The following CACNA1A variants were observed in gnomAD, a reference collection of about 807,000 sequenced individuals.
CACNA1A encodes voltage-dependent P/Q-type calcium channel subunit alpha-1A.
A neutral mutation model predicts 262.4 loss-of-function variants in CACNA1A; 57 were observed. That is an observed-to-expected ratio of 0.22 (90% CI 0.18 to 0.27). The LOEUF is 0.27. Ranked by LOEUF, CACNA1A falls within the 10% of genes least tolerant of loss-of-function variation. The pLI, the probability that CACNA1A is intolerant of heterozygous loss-of-function variation, is 1.00. For synonymous variants in CACNA1A, 1,431 were observed against 1,419.3 expected, an observed-to-expected ratio of 1.01 and a Z score of -0.18; for missense variants, 2,526 against 3,562.8, an observed-to-expected ratio of 0.71 and a Z score of 7.41.
chr19:13,451,942 C>G (rs762315007), intron 3 of CACNA1A: 2 of 152,040 alleles, frequency 1.3e-5, no homozygotes. Context: ...CCCTCCAACT[C>G]CTGAGCTCAA....
rs113154806 is a variant in CACNA1A, at chr19:13,242,282, T to C, written c.4950+2900A>G. 2.5e-3 allele frequency among the ~76,000 whole-genome samples: 384 copies of C among 151,276 alleles called. 1 individual carries two copies. Among genetic ancestry groups the C allele is most frequent in the Non-Finnish European group, 4.2e-3 (285 of 67,972 alleles). ...GGTTCTGTGCCAAGCACTTCACGTT[T>C]CTTTCTTTCTTTTTCTTCCTTTTCT... On this transcript the variant is annotated intron_variant, in intron 31 of 46. Transcript: ENST00000360228.
At chr19:13,251,436 T>C (rs1335783948) in intron 30 of CACNA1A, among the ~76,000 whole-genome samples, 1 of 152,110 alleles carries the variant, frequency 6.6e-6, no homozygotes, top group Admixed American at 6.6e-5. Context: ...TGAGCCGAGA[T>C]TGCGCCACTG....
chr19:13,284,022 C>T (rs1270920687), intron 21 of CACNA1A: 1 of 152,312 alleles, frequency 6.6e-6, no homozygotes, highest in Non-Finnish European at 1.5e-5. Flanking sequence ...GCCAGTTAAC[C>T]TCTTAATAAG....
At chr19:13,484,988 T>C (rs1979801165) in intron 1 of CACNA1A, among the ~76,000 whole-genome samples, 1 of 152,230 alleles carries the variant, frequency 6.6e-6, no homozygotes, top group African/African-American at 2.4e-5. Context: ...ATGAAAGCCA[T>C]GATTGCATCT....
Position 13,359,595 on chromosome 19 carries a change from G to A in CACNA1A, c.978+11C>T. ...CTGATTGTCCACACACACTGTCCCA[G>A]CATCACTTACATTGTAGAGGAGATC... On this transcript the variant is annotated intron_variant, in intron 6 of 46. Coordinates refer to ENST00000360228, the MANE Select transcript of CACNA1A (RefSeq NM_001127222.2). 1 of 1,600,222 alleles carries A rather than the reference G, an allele frequency of 6.2e-7. No individual in the cohort carries two copies. The highest frequency in any genetic ancestry group is 8.5e-7 in the Non-Finnish European group (1 of 1,170,364).
intron 3 of CACNA1A, among the ~76,000 whole-genome samples, chr19:13,400,433 A>G (rs1366396103): frequency 6.6e-6 from 1 of 152,062 alleles, no homozygotes; most frequent in Non-Finnish European, 1.5e-5. Context: ...GTCCTTGTCA[A>G]TTTTTAACTA....
At chr19:13,321,141 C>T (rs960053956) in intron 10 of CACNA1A, among the ~76,000 whole-genome samples, 1 of 151,154 alleles carries the variant, frequency 6.6e-6, no homozygotes, top group African/African-American at 2.4e-5. Context: ...TCAAGTGACT[C>T]TCCTGCCTCA....
At chr19:13,385,905 C>T (rs2059604284) in intron 3 of CACNA1A, among the ~76,000 whole-genome samples, 1 of 151,914 alleles carries the variant, frequency 6.6e-6, no homozygotes, top group African/African-American at 2.4e-5. Context: ...GCCTGTAATC[C>T]CAGCACTTTG....
intron 24 of CACNA1A, among the ~76,000 whole-genome samples, chr19:13,268,520 G>A (rs1279966630): frequency 2.7e-5 from 4 of 148,926 alleles, no homozygotes; most frequent in Non-Finnish European, 5.9e-5. Context: ...TGCAAGCTCC[G>A]CCTCCCAGGT....
chr19:13,251,963 G>A (rs1340636857), intron 30 of CACNA1A, among the ~76,000 whole-genome samples: 1 of 151,850 alleles, frequency 6.6e-6, no homozygotes, highest in African/African-American at 2.4e-5. Flanking sequence ...ATGGGGTTTT[G>A]CCATGTTGGC....
chr19:13,238,262 A>G lies in CACNA1A; in HGVS notation c.4951-2532T>C, dbSNP rs1030726591. 1.2e-4 allele frequency among the ~76,000 whole-genome samples: 19 copies of G among 152,044 alleles called. 1 individual carries two copies. Among genetic ancestry groups the G allele is most frequent in the African/African-American group, 4.6e-4 (19 of 41,378 alleles). The stretch of plus-strand genomic sequence containing the variant: ...TTGGGAGGTGCAGCTTCCTCTCTTC[A>G]ACACCTCCCCTGAACTTCCTGGCTA... On this transcript the variant is annotated intron_variant, in intron 31 of 46. Coordinates refer to ENST00000360228, the MANE Select transcript of CACNA1A (RefSeq NM_001127222.2).
chr19:13,434,273 C>T (rs555411862), intron 3 of CACNA1A, among the ~76,000 whole-genome samples: 36 of 152,258 alleles, frequency 2.4e-4, no homozygotes, highest in African/African-American at 7.9e-4. Context: ...CCTCCTGTCT[C>T]GGCCTCCTGA....
At chr19:13,264,642 G>A (rs2056819511) in intron 24 of CACNA1A, among the ~76,000 whole-genome samples, 1 of 152,154 alleles carries the variant, frequency 6.6e-6, no homozygotes, top group Non-Finnish European at 1.5e-5. Flanking sequence ...CCCGCTGCTA[G>A]AAATGCCCTT....
Position 13,421,256 on chromosome 19 carries a change from C to T in CACNA1A, c.539+31620G>A, listed in dbSNP as rs116305381. Among the ~76,000 whole-genome samples the T allele has an allele frequency of 2.7e-3, 411 of 151,736 alleles. 2 individuals carry two copies. Among genetic ancestry groups the T allele is most frequent in the African/African-American group, 9.4e-3 (391 of 41,386 alleles). On this transcript the variant is annotated intron_variant, in intron 3 of 46. Transcript: ENST00000360228. Reference sequence around the variant, plus strand: ...TATAGGAGAGAAATTATTTTTTTTTCTTTAAGGTTTTAATCCGGTGGCCTT... The same window carrying T: ...TATAGGAGAGAAATTATTTTTTTTTTTTTAAGGTTTTAATCCGGTGGCCTT...
chr19:13,448,924 A>C (rs1029885437), intron 3 of CACNA1A, among the ~76,000 whole-genome samples: 1 of 152,088 alleles, frequency 6.6e-6, no homozygotes, highest in African/African-American at 2.4e-5. Flanking sequence ...AAACAGTACC[A>C]CATATCTCTT....
At chr19:13,341,214 A>G (rs2058670654) in intron 6 of CACNA1A, among the ~76,000 whole-genome samples, 2 of 152,208 alleles carry the variant, frequency 1.3e-5, no homozygotes, top group African/African-American at 4.8e-5. Flanking sequence ...CAAGACAAGG[A>G]CCACCAAGCA....
chr19:13,221,226 C>CT (rs751936261), intron 38 of CACNA1A, among the ~76,000 whole-genome samples: 4 of 9,206 alleles, frequency 4.3e-4, no homozygotes, highest in Admixed American at 2.0e-3. Context: ...TCTTTTCTTT[C>CT]TTTCTTTCTT....
At position 13,311,512 on chromosome 19, in the gene CACNA1A, G is replaced by A. The variant is rs761908965; in HGVS notation, c.1668+1157C>T. Among the ~76,000 whole-genome samples the A allele has an allele frequency of 3.9e-5, 6 of 152,190 alleles. No individual in the cohort carries two copies. In the South Asian group the frequency reaches 1.0e-3, roughly 26 times the overall value. On this transcript the variant is annotated intron_variant, in intron 12 of 46. Coordinates refer to ENST00000360228, the MANE Select transcript of CACNA1A (RefSeq NM_001127222.2). ...CTCCAACAACATAATTTTCTATAAT[G>A]GCAGAAAACAGTACAACATTCAGTT... is the stretch of plus-strand genomic sequence containing the variant.
At chr19:13,392,048 GA>G (rs2059719717) in intron 3 of CACNA1A, among the ~76,000 whole-genome samples, 1 of 136,458 alleles carries the variant, frequency 7.3e-6, no homozygotes, top group Non-Finnish European at 1.6e-5. Context: ...AAAAAAAAAA[GA>G]AAAAAAAGAA....
Sources: allele counts gnomAD v4.1 joint callset (sites outside exome capture counted in the v4.1 genomes callset), GRCh38; gene constraint gnomAD v4.1.1; transcripts MANE v1.5; gene names NCBI Gene and HGNC (gene_info 2026-07-23, HGNC 2026-07-21).